Variants in GPC5 observed in about 807,000 individuals in gnomAD.
GPC5 encodes the protein glypican 5, also known as glypican-5.
Under a neutral mutation model 53.9 loss-of-function variants are expected in GPC5, and 47 were observed. That is an observed-to-expected ratio of 0.87 (90% CI 0.69 to 1.11). The LOEUF is 1.11. GPC5 is among the 50% of genes most tolerant of loss of function. The probability of loss-of-function intolerance (pLI) is 0.00; values close to 1 mark genes in which losing one functional copy is unlikely to be tolerated. For missense variants in GPC5, 748 were observed against 713.1 expected (o/e 1.05, Z -0.56); for synonymous variants, 286 against 263.3 (o/e 1.09, Z -0.84).
At chr13:92,848,965 G>A (rs1878702282) in intron 7 of GPC5, among the ~76,000 whole-genome samples, 1 of 152,154 alleles carries the variant, frequency 6.6e-6, no homozygotes, top group African/African-American at 2.4e-5. Context: ...CAAGTCAGGT[G>A]ATCCTGTAAT....
At chr13:92,042,815 A>G (rs2040951946) in intron 6 of GPC5, among the ~76,000 whole-genome samples, 2 of 152,250 alleles carry the variant, frequency 1.3e-5, no homozygotes, top group South Asian at 4.1e-4. Context: ...AATTATGAAT[A>G]TGTTCAAAAC....
chr13:91,805,089 G>A (rs147570719), intron 5 of GPC5, among the ~76,000 whole-genome samples: 2 of 152,302 alleles, frequency 1.3e-5, no homozygotes, highest in Non-Finnish European at 2.9e-5. Context: ...AGCAAACTGG[G>A]CAGAGGAGTG....
chr13:92,193,625 C>T (rs1393449687), intron 7 of GPC5, among the ~76,000 whole-genome samples: 2 of 152,210 alleles, frequency 1.3e-5, no homozygotes, highest in Non-Finnish European at 2.9e-5. Context: ...ATTTTCCTAT[C>T]ATTGTAAACA....
At chr13:92,852,075 G>T (rs1419764599) in intron 7 of GPC5, among the ~76,000 whole-genome samples, 3 of 152,074 alleles carry the variant, frequency 2.0e-5, no homozygotes, top group Non-Finnish European at 4.4e-5. Flanking sequence ...AGGACAACAG[G>T]AAGTCCAGAG....
chr13:92,133,671 A>T (rs1412069868), intron 6 of GPC5, among the ~76,000 whole-genome samples: 3 of 152,100 alleles, frequency 2.0e-5, no homozygotes, highest in Non-Finnish European at 2.9e-5. Context: ...TTTCAATGAC[A>T]TCAGTCTCAT....
chr13:91,415,130 C>T (rs1215554154), intron 1 of GPC5, among the ~76,000 whole-genome samples: 3 of 152,144 alleles, frequency 2.0e-5, no homozygotes, highest in Admixed American at 6.5e-5. Context: ...ACTGGGCATG[C>T]TAACAATTGA....
At chr13:92,098,059 T>C (rs1008033317) in intron 6 of GPC5, among the ~76,000 whole-genome samples, 14 of 152,334 alleles carry the variant, frequency 9.2e-5, no homozygotes, top group Middle Eastern at 3.4e-3. Context: ...GTTTGTTATA[T>C]AGGGAAACTC....
At chr13:91,590,871 T>A (rs1051566377) in intron 2 of GPC5, among the ~76,000 whole-genome samples, 25 of 152,226 alleles carry the variant, frequency 1.6e-4, no homozygotes, top group Admixed American at 1.3e-4. Flanking sequence ...TGATTGAACC[T>A]CTCCTTAAAG....
intron 7 of GPC5, among the ~76,000 whole-genome samples, chr13:92,154,085 A>T (rs1271137544): frequency 6.6e-6 from 1 of 152,218 alleles, no homozygotes; most frequent in Non-Finnish European, 1.5e-5. Context: ...GTGAGGCCTC[A>T]GGAGGCTTAC....
chr13:92,025,446 C>T (rs773595051), intron 6 of GPC5, among the ~76,000 whole-genome samples: 11 of 152,172 alleles, frequency 7.2e-5, no homozygotes, highest in Non-Finnish European at 1.3e-4. Flanking sequence ...TTCACTTCCT[C>T]ATGCCCAGCT....
intron 7 of GPC5, among the ~76,000 whole-genome samples, chr13:92,316,235 C>T (rs991097912): frequency 1.3e-5 from 2 of 152,034 alleles, no homozygotes; most frequent in African/African-American, 4.8e-5. Flanking sequence ...CTGACCAACA[C>T]CTTTTTCTTT....
chr13:92,326,641 G>C (rs2043253422), intron 7 of GPC5, among the ~76,000 whole-genome samples: 1 of 152,052 alleles, frequency 6.6e-6, no homozygotes, highest in African/African-American at 2.4e-5. Flanking sequence ...TTTTCCACTT[G>C]CTTCTACTAT....
chr13:91,734,327 CTT>C (rs2140036599), intron 4 of GPC5, among the ~76,000 whole-genome samples: 1 of 151,400 alleles, frequency 6.6e-6, no homozygotes, highest in South Asian at 2.1e-4. Context: ...GTTGGGGACT[CTT>C]TATGGGGATT....
chr13:91,849,240 T>C (rs192144397), intron 5 of GPC5, among the ~76,000 whole-genome samples: 4 of 152,244 alleles, frequency 2.6e-5, no homozygotes, highest in Non-Finnish European at 2.9e-5. Context: ...CCTGCCCTTT[T>C]AGTATGATGA....
chr13:92,795,447 G>A lies in GPC5; in HGVS notation c.1562-70835G>A, dbSNP rs565959426. 2.0e-5 allele frequency among the ~76,000 whole-genome samples: 3 copies of A among 152,154 alleles called. No homozygotes were observed. In the South Asian group the frequency reaches 6.2e-4, roughly 32 times the overall value. Reference sequence around the variant, plus strand: ...ATAAAAACCCTAAAAGAAAACCTAGGCAATACCATTCAGGATATAGGCATG... The same window carrying A: ...ATAAAAACCCTAAAAGAAAACCTAGACAATACCATTCAGGATATAGGCATG... On this transcript the variant is annotated intron_variant, in intron 7 of 7. Transcript: ENST00000377067.
intron 5 of GPC5, among the ~76,000 whole-genome samples, chr13:91,840,805 C>T (rs557525543): frequency 6.6e-6 from 1 of 151,310 alleles, no homozygotes; most frequent in East Asian, 1.9e-4. Context: ...ATTCAGGTAT[C>T]CATTTTAAAC....
intron 2 of GPC5, among the ~76,000 whole-genome samples, chr13:91,451,634 C>A (rs1217964694): frequency 6.6e-6 from 1 of 151,304 alleles, no homozygotes; most frequent in Non-Finnish European, 1.5e-5. Flanking sequence ...TTTTTTTTCC[C>A]CGAGGTGGAG....
At chr13:92,148,204 T>G (rs2041882189) in intron 7 of GPC5, among the ~76,000 whole-genome samples, 1 of 152,072 alleles carries the variant, frequency 6.6e-6, no homozygotes, top group African/African-American at 2.4e-5. Flanking sequence ...ATTGTATCTT[T>G]GAAATTTCAT....
intron 7 of GPC5, among the ~76,000 whole-genome samples, chr13:92,544,544 C>T (rs2139006392): frequency 6.6e-6 from 1 of 152,172 alleles, no homozygotes; most frequent in East Asian, 1.9e-4. Flanking sequence ...TTTTTCTCAG[C>T]TCTTACTGTC....
Sources: gnomAD v4.1 joint callset for allele counts (sites outside exome capture counted in the v4.1 genomes callset) on GRCh38, gnomAD v4.1.1 for gene constraint, MANE v1.5 for transcripts, NCBI Gene and HGNC (gene_info 2026-07-23, HGNC 2026-07-21) for gene names.